The following SLC12A8 variants were observed in gnomAD, a reference collection of about 807,000 sequenced individuals.
SLC12A8 encodes cation-chloride cotransporter 9.
SLC12A8 carries 69 observed loss-of-function variants against 75.6 expected under a neutral mutation model. The ratio of observed to expected loss-of-function variants is 0.91; its 90% CI spans 0.75 to 1.11. SLC12A8 has a LOEUF of 1.11. SLC12A8 is among the 50% of genes most tolerant of loss of function. The pLI, the probability that SLC12A8 is intolerant of heterozygous loss-of-function variation, is 0.00. For missense variants in SLC12A8, 877 were observed against 896.7 expected, an observed-to-expected ratio of 0.98 and a Z score of 0.28; for synonymous variants, 365 against 372.8, an observed-to-expected ratio of 0.98 and a Z score of 0.24.
chr3:125,187,133 G>T, intron 4 of SLC12A8, 104 bp downstream of exon 4: 1 of 1,162,562 alleles, frequency 8.6e-7, no homozygotes, highest in Non-Finnish European at 1.2e-6. Flanking sequence ...GTCACATGCG[G>T]CAATTGTCCC....
chr3:125,157,139 TG>T (rs1182215211), intron 5 of SLC12A8, among the ~76,000 whole-genome samples: 1 of 145,962 alleles, frequency 6.9e-6, no homozygotes. Context: ...CGAAAAAGGA[TG>T]AAAAAAAGGC....
chr3:125,114,408 G>A (rs777065763), intron 8 of SLC12A8, among the ~76,000 whole-genome samples: 1 of 152,180 alleles, frequency 6.6e-6, no homozygotes, highest in Admixed American at 6.5e-5. Context: ...TTTGCTCTGT[G>A]GGATTACCCA....
At chr3:125,212,166 C>G (rs1655259484) in intron 1 of SLC12A8, among the ~76,000 whole-genome samples, 1 of 151,976 alleles carries the variant, frequency 6.6e-6, no homozygotes, top group African/African-American at 2.4e-5. Flanking sequence ...CTAAGGACAG[C>G]AGCCAGCGCT....
chr3:125,203,231 A>C (rs567166014), intron 2 of SLC12A8, among the ~76,000 whole-genome samples: 9 of 152,072 alleles, frequency 5.9e-5, no homozygotes, highest in East Asian at 1.9e-4. Flanking sequence ...GAAAAAAAAA[A>C]CCCTAAAATT....
At chr3:125,211,168 G>A in intron 2 of SLC12A8, 131 bp downstream of exon 2, 2 of 777,894 alleles carry the variant, frequency 2.6e-6, no homozygotes, top group Non-Finnish European at 4.5e-6. Flanking sequence ...TCATTGAACT[G>A]GATGACCAAA....
At position 125,190,433 on chromosome 3, in the gene SLC12A8, G is replaced by A. The variant is rs1934888340; in HGVS notation, c.140C>T (p.Thr47Ile). ...VLFGTWDGVF[T>I]SCMINIFGVV... is the part of the protein sequence containing the mutation. ...CCCAAAGATGTTGATCATGCAGGAT[G>A]TGAACACACCATCCCAGGTCCCAAA... The change falls in exon 3 of 14, where the codon ACA (threonine) becomes ATA (isoleucine). Residue 47 changes from threonine (T) to isoleucine (I), a missense_variant. By Grantham distance (89) the Thr-to-Ile change is moderately conservative (BLOSUM62 -1). Coordinates refer to ENST00000469902, the MANE Select transcript of SLC12A8 (RefSeq NM_024628.6). 26 of 1,614,216 alleles carry A rather than the reference G, an allele frequency of 1.6e-5. No individual in the cohort carries two copies. Among genetic ancestry groups the A allele is most frequent in the Non-Finnish European group, 2.1e-5 (25 of 1,180,038 alleles).
At chr3:125,101,030 A>AG in intron 10 of SLC12A8, among the ~76,000 whole-genome samples, 1 of 151,484 alleles carries the variant, frequency 6.6e-6, no homozygotes, top group East Asian at 1.9e-4. Context: ...AAAAAAAAAA[A>AG]AAAAAAAAAA....
At chr3:125,137,251 C>T (rs956758304) in intron 5 of SLC12A8, among the ~76,000 whole-genome samples, 6 of 152,110 alleles carry the variant, frequency 3.9e-5, no homozygotes, top group East Asian at 1.9e-4. Flanking sequence ...AATAATGAAA[C>T]GAAATCTCAG....
chr3:125,085,103 A>G (rs1363241538), intron 13 of SLC12A8, among the ~76,000 whole-genome samples: 2 of 152,258 alleles, frequency 1.3e-5, no homozygotes, highest in African/African-American at 2.4e-5. Context: ...TGTTGAGAAC[A>G]TGTATAAATC....
chr3:125,090,142 C>A (rs1188430586), intron 12 of SLC12A8, among the ~76,000 whole-genome samples: 1 of 152,096 alleles, frequency 6.6e-6, no homozygotes, highest in Non-Finnish European at 1.5e-5. Context: ...CTCCTGGCCT[C>A]AAGCAATTCT....
chr3:125,098,377 C>T (rs1184270294), intron 10 of SLC12A8, among the ~76,000 whole-genome samples: 1 of 152,140 alleles, frequency 6.6e-6, no homozygotes, highest in East Asian at 1.9e-4. Context: ...TTTTGGTTTG[C>T]TGTTTGGCTG....
chr3:125,185,793 G>C (rs537833006), intron 4 of SLC12A8, among the ~76,000 whole-genome samples: 1 of 152,176 alleles, frequency 6.6e-6, no homozygotes, highest in Admixed American at 6.5e-5. Flanking sequence ...CTCCTGGCCC[G>C]CGCCAGCGAC....
At chr3:125,151,283 C>G (rs192353761) in intron 5 of SLC12A8, 1 of 153,604 alleles carries the variant, frequency 6.5e-6, no homozygotes, top group Admixed American at 6.5e-5. Flanking sequence ...GCCTCTTGGC[C>G]CAACTGTTCC....
chr3:125,179,716 AGAG>A (rs1934611282), intron 4 of SLC12A8, among the ~76,000 whole-genome samples: 1 of 103,022 alleles, frequency 9.7e-6, no homozygotes, highest in East Asian at 4.5e-4. Context: ...AGAGAGAGAG[AGAG>A]AGAGAGAGAG....
At chr3:125,132,186 C>T (rs1442515724) in intron 6 of SLC12A8, among the ~76,000 whole-genome samples, 1 of 152,190 alleles carries the variant, frequency 6.6e-6, no homozygotes, top group Non-Finnish European at 1.5e-5. Context: ...TGGAGGCATG[C>T]TGAATTACTG....
At chr3:125,101,125 T>C (rs1938864434) in intron 10 of SLC12A8, among the ~76,000 whole-genome samples, 1 of 151,870 alleles carries the variant, frequency 6.6e-6, no homozygotes, top group Admixed American at 6.6e-5. Context: ...ATACACACTG[T>C]GTAGTGGTTA....
intron 5 of SLC12A8, among the ~76,000 whole-genome samples, chr3:125,173,518 T>C (rs576135748): frequency 7.0e-6 from 1 of 143,614 alleles, no homozygotes; most frequent in Non-Finnish European, 1.5e-5. Context: ...TCACAAAATA[T>C]TAACTCAATC....
intron 6 of SLC12A8, among the ~76,000 whole-genome samples, chr3:125,124,831 C>CT (rs1933157834): frequency 6.6e-6 from 1 of 152,162 alleles, no homozygotes; most frequent in South Asian, 2.1e-4. Context: ...AGTTTGCTTT[C>CT]TTTTTGCATC....
intron 8 of SLC12A8, among the ~76,000 whole-genome samples, chr3:125,117,432 G>GAAAAAA (rs11298782): frequency 1.5e-5 from 2 of 136,470 alleles, no homozygotes; most frequent in Non-Finnish European, 3.1e-5. Context: ...ACAAAAAATT[G>GAAAAAA]AAAAAAAAAA....
Sources: gnomAD v4.1 joint callset for allele counts (sites outside exome capture counted in the v4.1 genomes callset) on GRCh38, gnomAD v4.1.1 for gene constraint, MANE v1.5 for transcripts, NCBI Gene and HGNC (gene_info 2026-07-23, HGNC 2026-07-21) for gene names.